PCDHAC1: variants seen among roughly 807,000 people sequenced by gnomAD.
The protein encoded by PCDHAC1 is protocadherin alpha subfamily C, 1, also known as protocadherin alpha-C1.
PCDHAC1 carries 42 observed loss-of-function variants against 60.0 expected under a neutral mutation model. The observed-to-expected ratio is 0.70, with a 90% confidence interval of 0.55 to 0.90. The LOEUF is 0.90. Ranked by LOEUF, PCDHAC1 falls within the 40% of genes least tolerant of loss-of-function variation. PCDHAC1 has a pLI of 0.00. For synonymous variants in PCDHAC1, 468 were observed against 499.3 expected, an observed-to-expected ratio of 0.94 and a Z score of 0.84; for missense variants, 1,160 against 1,222.3, an observed-to-expected ratio of 0.95 and a Z score of 0.76.
At chr5:141,001,811 C>T (rs1200900455) in intron 3 of PCDHAC1, among the ~76,000 whole-genome samples, 1 of 152,128 alleles carries the variant, frequency 6.6e-6, no homozygotes, top group Non-Finnish European at 1.5e-5. Flanking sequence ...ATTCTACAAT[C>T]GGCCAAATTC....
intron 1 of PCDHAC1, chr5:140,967,785 G>C: frequency 6.2e-7 from 1 of 1,614,176 alleles, no homozygotes; most frequent in Non-Finnish European, 8.5e-7. Flanking sequence ...GCGACTGACC[G>C]GGGTCCAGTG....
intron 1 of PCDHAC1, among the ~76,000 whole-genome samples, chr5:140,957,658 G>T (rs2095373813): frequency 6.6e-6 from 1 of 151,932 alleles, no homozygotes; most frequent in Non-Finnish European, 1.5e-5. Flanking sequence ...TTCAATCATG[G>T]AGTAAAAATT....
intron 1 of PCDHAC1, among the ~76,000 whole-genome samples, chr5:140,942,271 A>G (rs1421470016): frequency 6.6e-6 from 1 of 152,184 alleles, no homozygotes; most frequent in Non-Finnish European, 1.5e-5. Context: ...AAAGCTGGTA[A>G]TGGTGGCTCA....
intron 3 of PCDHAC1, among the ~76,000 whole-genome samples, chr5:140,992,981 A>T (rs532135754): frequency 5.3e-5 from 8 of 152,232 alleles, no homozygotes; most frequent in Admixed American, 1.3e-4. Flanking sequence ...TGATTAGGCC[A>T]TGGGACCCAT....
chr5:140,983,101 C>T (rs1047738074), intron 3 of PCDHAC1, among the ~76,000 whole-genome samples: 2 of 152,228 alleles, frequency 1.3e-5, no homozygotes, highest in African/African-American at 4.8e-5. Flanking sequence ...ATCTGCTTCT[C>T]TCTGCACATC....
intron 1 of PCDHAC1, among the ~76,000 whole-genome samples, chr5:140,950,234 T>C (rs1423756424): frequency 1.3e-5 from 2 of 152,028 alleles, no homozygotes; most frequent in Non-Finnish European, 2.9e-5. Flanking sequence ...TCTAGTGCCA[T>C]TAATTTGTTC....
intron 3 of PCDHAC1, among the ~76,000 whole-genome samples, chr5:141,007,135 C>G (rs1183279253): frequency 2.6e-5 from 4 of 152,074 alleles, no homozygotes; most frequent in Non-Finnish European, 5.9e-5. Context: ...GATGAGGAGA[C>G]TGACAAAGGA....
At chr5:140,947,299 C>T (rs547529076) in intron 1 of PCDHAC1, among the ~76,000 whole-genome samples, 1 of 151,554 alleles carries the variant, frequency 6.6e-6, no homozygotes, top group South Asian at 2.1e-4. Context: ...ATTATCTTGA[C>T]ATCTTTGTAA....
intron 1 of PCDHAC1, among the ~76,000 whole-genome samples, chr5:140,974,552 C>A (rs1554236185): frequency 6.6e-6 from 1 of 152,112 alleles, no homozygotes; most frequent in Non-Finnish European, 1.5e-5. Context: ...GCTCTTGTTG[C>A]CCAGGCTGGA....
At chr5:140,960,903 G>C (rs560284839) in intron 1 of PCDHAC1, among the ~76,000 whole-genome samples, 3 of 152,308 alleles carry the variant, frequency 2.0e-5, no homozygotes, top group African/African-American at 7.2e-5. Context: ...GGCATATCTT[G>C]AGTTTCAGAT....
chr5:140,963,312 TG>T (rs2153735087), intron 1 of PCDHAC1, among the ~76,000 whole-genome samples: 1 of 152,332 alleles, frequency 6.6e-6, no homozygotes, highest in African/African-American at 2.4e-5. Flanking sequence ...AGAAGCTGTT[TG>T]TATTAGAATT....
At chr5:140,970,854 T>TG (rs1554232785) in intron 1 of PCDHAC1, among the ~76,000 whole-genome samples, 1 of 152,148 alleles carries the variant, frequency 6.6e-6, no homozygotes, top group Non-Finnish European at 1.5e-5. Context: ...GCACAAAAGT[T>TG]CCATTCCTGA....
chr5:140,945,605 C>G (rs564297850), intron 1 of PCDHAC1, among the ~76,000 whole-genome samples: 1 of 152,166 alleles, frequency 6.6e-6, no homozygotes, highest in East Asian at 1.9e-4. Context: ...CTATAATAAT[C>G]AAAACAGCAT....
At chr5:141,005,467 GC>G (rs1463928635) in intron 3 of PCDHAC1, among the ~76,000 whole-genome samples, 1 of 151,982 alleles carries the variant, frequency 6.6e-6, no homozygotes, top group Non-Finnish European at 1.5e-5. Context: ...ACTTTGGGAG[GC>G]CGAGACGGGC....
chr5:140,941,310 C>T (rs1375547519), intron 1 of PCDHAC1, among the ~76,000 whole-genome samples: 10 of 79,218 alleles, frequency 1.3e-4, no homozygotes, highest in Non-Finnish European at 1.8e-4. Flanking sequence ...CTTTCTTTTT[C>T]TTCTTTCTCT....
At chr5:140,941,754 T>A (rs2093159057) in intron 1 of PCDHAC1, among the ~76,000 whole-genome samples, 1 of 152,256 alleles carries the variant, frequency 6.6e-6, no homozygotes, top group African/African-American at 2.4e-5. Context: ...AGATTTTCAG[T>A]GCTTTTAAGA....
intron 3 of PCDHAC1, among the ~76,000 whole-genome samples, chr5:140,996,816 A>G (rs1587722851): frequency 6.6e-6 from 1 of 152,264 alleles, no homozygotes; most frequent in Non-Finnish European, 1.5e-5. Flanking sequence ...TTCCAAAAGT[A>G]ACCACTACCA....
At chr5:140,996,098 A>G (rs1173929406) in intron 3 of PCDHAC1, among the ~76,000 whole-genome samples, 1 of 152,214 alleles carries the variant, frequency 6.6e-6, no homozygotes, top group Non-Finnish European at 1.5e-5. Context: ...ATTACATGGA[A>G]TGGTATGGAA....
At chr5:140,944,166 G>A (rs1483002893) in intron 1 of PCDHAC1, among the ~76,000 whole-genome samples, 1 of 152,024 alleles carries the variant, frequency 6.6e-6, no homozygotes, top group Non-Finnish European at 1.5e-5. Context: ...AAAGGGCCAA[G>A]GCTGGTTTTT....
Sources: gnomAD v4.1 joint callset for allele counts (sites outside exome capture counted in the v4.1 genomes callset) on GRCh38, gnomAD v4.1.1 for gene constraint, MANE v1.5 for transcripts, NCBI Gene and HGNC (gene_info 2026-07-23, HGNC 2026-07-21) for gene names.